Variants in PKD1 observed in about 807,000 individuals in gnomAD.
PKD1 encodes polycystin 1, transient receptor potential channel interacting, also known as polycystin-1.
Under a neutral mutation model 361.7 loss-of-function variants are expected in PKD1, and 81 were observed. That is an observed-to-expected ratio of 0.22 (90% CI 0.19 to 0.27). The LOEUF (loss-of-function observed/expected upper bound fraction) is 0.27. Among genes scored for constraint, PKD1 ranks in the 10% least tolerant of loss-of-function variants. The pLI, the probability that PKD1 is intolerant of heterozygous loss-of-function variation, is 1.00. For missense variants in PKD1, 6,399 were observed against 6,118.3 expected, an observed-to-expected ratio of 1.05 and a Z score of -1.53; for synonymous variants, 3,615 against 2,818.3, an observed-to-expected ratio of 1.28 and a Z score of -8.95.
chr16:2,118,510 A>G lies in PKD1; in HGVS notation c.530-48T>C. 7.1e-7 allele frequency: 1 copy of G among 1,410,576 alleles called. No homozygotes were observed. Among genetic ancestry groups the G allele is most frequent in the Non-Finnish European group, 9.7e-7 (1 of 1,035,012 alleles). The allele number at this position is 1,410,576 out of a possible 1,614,324, so 87.4% of individuals were successfully genotyped here. On this transcript the variant is annotated intron_variant, in intron 4 of 45. Coordinates refer to ENST00000262304, the MANE Select transcript of PKD1 (RefSeq NM_001009944.3). The surrounding 1 kb of genome is among the most constrained non-coding windows in gnomAD (Gnocchi z 6.0). The stretch of plus-strand genomic sequence containing the variant: ...CCCGGGTTCTGCTCCTCCTGGCTCC[A>G]CCCCACGCCCCCACATCCGCCCGCC...
At chr16:2,107,621 G>A (rs1305885031) in intron 16 of PKD1, 3 of 564,970 alleles carry the variant, frequency 5.3e-6, no homozygotes, top group South Asian at 1.9e-5. Context: ...GTGGGAAGGG[G>A]CTCTTCCTCA....
In PKD1 at chr16:2,105,961, G is replaced by C. The variant is rs555499745; in HGVS notation, c.7767C>G (p.His2589Gln). The change falls in exon 20 of 46, where the codon CAC becomes CAG. Residue 2589 changes from histidine to glutamine, a missense_variant. Transcript: ENST00000262304. ...CTGGGAGCACACTAGCGGTGAGCCCGTGCAGCCAGACTGTGAGCCCCGTTG... is the reference window on the plus strand; with the variant it reads ...CTGGGAGCACACTAGCGGTGAGCCCCTGCAGCCAGACTGTGAGCCCCGTTG... ...GSATGLTVWLHGLTASVLPGL... is the reference protein window; with the variant it reads ...GSATGLTVWLQGLTASVLPGL... The C allele has an allele frequency of 2.5e-6, 4 of 1,600,216 alleles. No homozygotes were observed. Among genetic ancestry groups the C allele is most frequent in the Admixed American group, 1.7e-5 (1 of 60,008 alleles).
chr16:2,116,354 G>C (rs1229198558), intron 8 of PKD1, among the ~76,000 whole-genome samples, 175 bp downstream of exon 8: 1 of 152,214 alleles, frequency 6.6e-6, no homozygotes, highest in Non-Finnish European at 1.5e-5. Flanking sequence ...AAGGCCTGGA[G>C]GTAATGTGAG....
rs1367657933 is a variant in PKD1 at position 2,118,221 on chromosome 16, G to T, written c.771C>A (p.Pro257=). The part of the protein sequence containing the change: ...LCSGPPPPPA[P]TCRGPTLLQH... The stretch of plus-strand genomic sequence containing the variant: ...GGAGGAGGGTGGGGCCCCTACAGGT[G>T]GGGGCAGGAGGTGGCGGGGGGCCGG... The change falls in exon 5 of 46, where the codon CCC becomes CCA. Residue 257 remains proline, a synonymous_variant. Transcript: ENST00000262304. This position sits in a 1 kb window ranked among gnomAD's most constrained non-coding sequence, Gnocchi z 6.0. The T allele has an allele frequency of 3.3e-6, 5 of 1,525,126 alleles. No homozygotes were observed. Among genetic ancestry groups the T allele is most frequent in the Admixed American group, 2.0e-5 (1 of 51,116 alleles). The allele number at this position is 1,525,126 out of a possible 1,614,324, so 94.5% of individuals were successfully genotyped here. A position where few individuals can be genotyped will look rare whatever the true frequency, so the allele number is the denominator to read the frequency against.
intron 16 of PKD1, chr16:2,107,448 C>T (rs920070086): frequency 1.1e-5 from 4 of 362,322 alleles, no homozygotes; most frequent in African/African-American, 8.4e-5. Context: ...GACGCCCACT[C>T]TGGGGCACCA....
intron 16 of PKD1, chr16:2,107,674 G>A (rs2092390652): frequency 3.1e-6 from 2 of 635,458 alleles, no homozygotes; most frequent in Non-Finnish European, 5.7e-6. Context: ...TGCCACTAGA[G>A]CATATGTGGC....
At position 2,091,562 on chromosome 16, in the gene PKD1, C is replaced by T; in HGVS notation, c.11573G>A (p.Ser3858Asn). The T allele has an allele frequency of 6.5e-7, 1 of 1,543,282 alleles. No individual in the cohort carries two copies. Among genetic ancestry groups the T allele is most frequent in the South Asian group, 1.2e-5 (1 of 83,382 alleles). ...GGCGGCGTGCAGCCCCACGGCCGGG[C>T]TGTAGCGCGTGAGCTCCAGGAACAC... The part of the protein sequence containing the change: ...RAVFLELTRY[S>N]PAVGLHAAVT... The change falls in exon 42 of 46, where the codon AGC (serine) becomes AAC (asparagine). Residue 3858 changes from serine to asparagine, a missense_variant. Coordinates refer to ENST00000262304, the MANE Select transcript of PKD1 (RefSeq NM_001009944.3).
At chr16:2,130,261 C>T (rs1158139597) in intron 1 of PKD1, among the ~76,000 whole-genome samples, 4 of 152,194 alleles carry the variant, frequency 2.6e-5, no homozygotes. Flanking sequence ...TGCCTCCGCT[C>T]GGCTGCCAGG....
intron 1 of PKD1, among the ~76,000 whole-genome samples, chr16:2,132,245 C>T (rs1394700972): frequency 1.4e-5 from 2 of 146,268 alleles, no homozygotes; most frequent in African/African-American, 2.5e-5. Flanking sequence ...AGCGAAACTC[C>T]GTCTCAAAAA....
intron 30 of PKD1, 57 bp downstream of exon 30, chr16:2,099,587 T>A: frequency 6.6e-7 from 1 of 1,526,090 alleles, no homozygotes; most frequent in Non-Finnish European, 8.8e-7. Context: ...GCCCTAGGCA[T>A]GGTGCCGAGG....
Position 2,109,538 on chromosome 16 carries a change from C to A in PKD1, c.5629G>T (p.Ala1877Ser). The A allele has an allele frequency of 6.2e-7, 1 of 1,611,304 alleles. No homozygotes were observed. Among genetic ancestry groups the A allele is most frequent in the African/African-American group, 1.3e-5 (1 of 75,018 alleles). The change falls in exon 15 of 46, where the codon GCC becomes TCC. Residue 1877 changes from alanine to serine, a missense_variant. Transcript: ENST00000262304. ...TCCTCCGCCGTGAGGTTGTACGTGG[C>A]TGAGACCCAGCTGACTGCGTTGGAG... is the stretch of plus-strand genomic sequence containing the variant. ...NASNAVSWVS[A>S]TYNLTAEEPI...
In PKD1 at chr16:2,111,401, G is replaced by A. The variant is rs745647957; in HGVS notation, c.3766C>T (p.Pro1256Ser). The change falls in exon 15 of 46, where the codon CCG (proline) becomes TCG (serine). Residue 1256 changes from proline (P) to serine (S), a missense_variant. Coordinates refer to ENST00000262304, the MANE Select transcript of PKD1 (RefSeq NM_001009944.3). Reference protein sequence around the residue: ...DMGDGTVLSGPEATVEHVYLR... With the variant: ...DMGDGTVLSGSEATVEHVYLR... ...TACACATGCTCCACTGTTGCCTCCG[G>A]GCCCGACAGCACGGTGCCGTCCCCC... 6 of 1,611,662 alleles carry A rather than the reference G, an allele frequency of 3.7e-6. No homozygotes were observed. The highest frequency in any genetic ancestry group is 2.7e-5 in the African/African-American group (2 of 75,010).
rs758299650 is a variant in PKD1 at position 2,100,466 on chromosome 16, G to A, written c.9498C>T (p.Asp3166=). 5 of 1,610,780 alleles carry A rather than the reference G, an allele frequency of 3.1e-6. No homozygotes were observed. The highest frequency in any genetic ancestry group is 4.2e-6 in the Non-Finnish European group (5 of 1,179,592). ...GDRAFHRNSL[D]IFRIATPHSL... ...TGTGCGGGGTGGCGATCCGGAAGAT[G>A]TCCAGGCTGTTGCGGTGGAAGGCTC... Residue 3166 remains aspartate, a synonymous_variant, in exon 27 of 46, where the codon GAC becomes GAT. Transcript: ENST00000262304. The surrounding 1 kb of genome is among the most constrained non-coding windows in gnomAD (Gnocchi z 4.4).
chr16:2,127,602 C>A (rs1319709045), intron 1 of PKD1, among the ~76,000 whole-genome samples: 1 of 151,968 alleles, frequency 6.6e-6, no homozygotes, highest in Non-Finnish European at 1.5e-5. Flanking sequence ...GGGGAATGGG[C>A]CCCCGGAACC....
In PKD1 at chr16:2,110,444, C is replaced by T. The variant is rs751223759; in HGVS notation, c.4723G>A (p.Gly1575Ser). 32 of 1,612,456 alleles carry T rather than the reference C, an allele frequency of 2.0e-5. No individual in the cohort carries two copies. Among genetic ancestry groups the T allele is most frequent in the South Asian group, 8.8e-5 (8 of 91,080 alleles). The change falls in exon 15 of 46, where the codon GGC becomes AGC. Residue 1575 changes from glycine (G) to serine (S), a missense_variant. Physicochemically the swap from Gly to Ser is moderately conservative, Grantham distance 56 (BLOSUM62 0). Coordinates refer to ENST00000262304, the MANE Select transcript of PKD1 (RefSeq NM_001009944.3). ...ACCCAGGAATAGCGCACATCACTGC[C>T]GGCCTCCAGCGACGTGCTGAAGCTC... The part of the protein sequence containing the change: ...SVSFSTSLEA[G>S]SDVRYSWVLC...
rs138789204 is a variant in PKD1 at position 2,111,061 on chromosome 16, T to C, written c.4106A>G (p.His1369Arg). The C allele has an allele frequency of 6.2e-6, 10 of 1,610,524 alleles. No homozygotes were observed. The highest frequency in any genetic ancestry group is 2.2e-5 in the East Asian group (1 of 44,878). The change falls in exon 15 of 46, where the codon CAT (histidine) becomes CGT (arginine). Residue 1369 changes from histidine to arginine, a missense_variant. Physicochemically the swap from His to Arg is conservative, Grantham distance 29. Coordinates refer to ENST00000262304, the MANE Select transcript of PKD1 (RefSeq NM_001009944.3). ...LVLSSRVNRA[H>R]YFTSICVEPE... is the part of the protein sequence containing the mutation. Reference sequence around the variant, plus strand: ...CTCCACGCAGATGCTGGTGAAGTAATGCGCCCTGTTCACGCGGCTGGACAG... The same window carrying C: ...CTCCACGCAGATGCTGGTGAAGTAACGCGCCCTGTTCACGCGGCTGGACAG...
At chr16:2,092,829 G>C (rs1235111388) in intron 38 of PKD1, 125 bp downstream of exon 38, 1 of 1,199,226 alleles carries the variant, frequency 8.3e-7, no homozygotes, top group African/African-American at 1.5e-5. Context: ...GATGCCAGCA[G>C]CACCTACCTC....
chr16:2,131,954 C>G (rs1454693858), intron 1 of PKD1: 1 of 151,980 alleles, frequency 6.6e-6, no homozygotes, highest in Non-Finnish European at 1.5e-5. Flanking sequence ...GCCTTAAAGA[C>G]ACACATATAT....
rs1475670565 is a variant in PKD1 at position 2,100,745 on chromosome 16, G to A, written c.9398-179C>T. On this transcript the variant is annotated intron_variant, in intron 26 of 45. Transcript: ENST00000262304. The surrounding 1 kb of genome is among the most constrained non-coding windows in gnomAD (Gnocchi z 4.4). The stretch of plus-strand genomic sequence containing the variant: ...GTTACTGCAATTTGTCCAATTAACA[G>A]CAGGACCTCAAGGACATGATTAAGT... 6.5e-6 allele frequency: 4 copies of A among 611,652 alleles called. No individual in the cohort carries two copies. The African/African-American group carries it at 7.3e-5, about 11-fold the overall frequency. 37.9% of individuals were successfully genotyped at this position (611,652 alleles called of 1,614,324 possible).
Sources: allele counts gnomAD v4.1 joint callset (sites outside exome capture counted in the v4.1 genomes callset), GRCh38; gene constraint gnomAD v4.1.1; non-coding constraint Gnocchi (gnomAD v3.1); transcripts MANE v1.5; gene names NCBI Gene and HGNC (gene_info 2026-07-23, HGNC 2026-07-21).